The following WDPCP variants were observed in gnomAD, a reference collection of about 807,000 sequenced individuals.
WDPCP encodes the protein WD repeat-containing and planar cell polarity effector protein fritz homolog.
A neutral mutation model predicts 93.1 loss-of-function variants in WDPCP; 71 were observed. That is an observed-to-expected ratio of 0.76 (90% CI 0.63 to 0.93). WDPCP has a LOEUF of 0.93. Among genes scored for constraint, WDPCP ranks in the 40% least tolerant of loss-of-function variants. The probability of loss-of-function intolerance (pLI) is 0.00; values close to 1 mark genes in which losing one functional copy is unlikely to be tolerated. For synonymous variants in WDPCP, 315 were observed against 315.0 expected (o/e 1.00, Z 0.00); for missense variants, 844 against 887.4 (o/e 0.95, Z 0.62).
At chr2:63,821,213 G>C (rs540025321) in intron 1 of WDPCP, among the ~76,000 whole-genome samples, 1 of 152,228 alleles carries the variant, frequency 6.6e-6, no homozygotes, top group East Asian at 1.9e-4. Flanking sequence ...CTAGTCCCTA[G>C]AGGAGGAGGT....
At chr2:63,374,900 A>G (rs761513141) in intron 12 of WDPCP, among the ~76,000 whole-genome samples, 8 of 152,078 alleles carry the variant, frequency 5.3e-5, no homozygotes, top group Non-Finnish European at 1.2e-4. Context: ...GCAGACATCA[A>G]TACATTACCC....
At chr2:63,701,719 G>A (rs1269230677) in intron 2 of WDPCP, among the ~76,000 whole-genome samples, 3 of 152,250 alleles carry the variant, frequency 2.0e-5, no homozygotes, top group Non-Finnish European at 2.9e-5. Flanking sequence ...GGAACTGGAG[G>A]TCATTATATT....
chr2:63,582,412 G>A (rs1708553441), intron 1 of WDPCP, among the ~76,000 whole-genome samples: 1 of 152,138 alleles, frequency 6.6e-6, no homozygotes. Context: ...GCATCAATGA[G>A]CCATGAGACA....
chr2:63,595,620 A>T, intron 3 of WDPCP: 1 of 721,118 alleles, frequency 1.4e-6, no homozygotes, highest in South Asian at 1.7e-5. Context: ...ATTATTTCAT[A>T]AGAGGATTTT....
chr2:63,737,319 T>C (rs922874286), intron 2 of WDPCP, among the ~76,000 whole-genome samples: 1 of 152,182 alleles, frequency 6.6e-6, no homozygotes, highest in Non-Finnish European at 1.5e-5. Context: ...CCAATATTCA[T>C]GACACAAACA....
chr2:63,454,361 G>A (rs767394546), intron 6 of WDPCP, among the ~76,000 whole-genome samples: 1 of 151,696 alleles, frequency 6.6e-6, no homozygotes, highest in African/African-American at 2.4e-5. Context: ...TTGGGGGTGG[G>A]GGACTGAGGG....
chr2:63,836,538 GT>G, the WDPCP span, among the ~76,000 whole-genome samples: 1 of 152,098 alleles, frequency 6.6e-6, no homozygotes, highest in Non-Finnish European at 1.5e-5. Flanking sequence ...TTTCTTATTA[GT>G]TTTTTTATCT....
chr2:63,739,370 T>C (rs1001836831), intron 2 of WDPCP, among the ~76,000 whole-genome samples: 3 of 152,180 alleles, frequency 2.0e-5, no homozygotes, highest in African/African-American at 7.2e-5. Flanking sequence ...TCCTTTTTTA[T>C]GGCTGCATGG....
intron 2 of WDPCP, among the ~76,000 whole-genome samples, chr2:63,680,936 C>A (rs918346361): frequency 6.6e-6 from 1 of 152,102 alleles, no homozygotes; most frequent in African/African-American, 2.4e-5. Flanking sequence ...TAGACACACA[C>A]TGGGCCAGAA....
intron 1 of WDPCP, among the ~76,000 whole-genome samples, chr2:63,524,082 G>A (rs1217633400): frequency 1.3e-5 from 2 of 152,078 alleles, no homozygotes; most frequent in Non-Finnish European, 2.9e-5. Flanking sequence ...TCCACAATGA[G>A]AATTGCAAAA....
At chr2:63,137,062 G>C in intron 17 of WDPCP, among the ~76,000 whole-genome samples, 1 of 152,072 alleles carries the variant, frequency 6.6e-6, no homozygotes, top group Non-Finnish European at 1.5e-5. Flanking sequence ...ATATTTCTTT[G>C]AGTGTATACT....
chr2:63,200,612 A>G (rs1042581968), intron 14 of WDPCP, among the ~76,000 whole-genome samples: 1 of 152,210 alleles, frequency 6.6e-6, no homozygotes, highest in Non-Finnish European at 1.5e-5. Flanking sequence ...TATTTATGAG[A>G]GCTAAAAATT....
At chr2:63,358,956 G>T (rs758601193) in intron 12 of WDPCP, among the ~76,000 whole-genome samples, 4 of 152,106 alleles carry the variant, frequency 2.6e-5, no homozygotes, top group Non-Finnish European at 5.9e-5. Context: ...GTTATACTTA[G>T]ACTTGACATA....
At chr2:63,395,420 C>T (rs1216247379) in intron 10 of WDPCP, among the ~76,000 whole-genome samples, 2 of 152,100 alleles carry the variant, frequency 1.3e-5, no homozygotes, top group African/African-American at 2.4e-5. Context: ...GTGTCTATTA[C>T]GCCACTCTGT....
At chr2:63,578,294 C>T (rs183951311) in intron 1 of WDPCP, among the ~76,000 whole-genome samples, 1 of 152,186 alleles carries the variant, frequency 6.6e-6, no homozygotes, top group Non-Finnish European at 1.5e-5. Context: ...ATATTAGTAT[C>T]CCGAAAATAA....
chr2:63,826,112 A>G (rs1300912202), intron 1 of WDPCP, among the ~76,000 whole-genome samples: 1 of 152,178 alleles, frequency 6.6e-6, no homozygotes, highest in Non-Finnish European at 1.5e-5. Context: ...GTTCAGATGC[A>G]TCAGTTTGCC....
chr2:63,458,899 A>G (rs886615718), intron 6 of WDPCP, among the ~76,000 whole-genome samples: 1 of 152,226 alleles, frequency 6.6e-6, no homozygotes, highest in African/African-American at 2.4e-5. Flanking sequence ...TCAATGGAAC[A>G]GACTAGAGAC....
chr2:63,362,280 T>G (rs75969861), intron 12 of WDPCP, among the ~76,000 whole-genome samples: 115 of 43,870 alleles, frequency 2.6e-3, no homozygotes, highest in South Asian at 0.01. Flanking sequence ...TTTTTGGTTG[T>G]GTGTGTGTGT....
intron 6 of WDPCP, among the ~76,000 whole-genome samples, chr2:63,480,515 G>A (rs534392562): frequency 1.6e-4 from 25 of 152,040 alleles, no homozygotes; most frequent in African/African-American, 3.1e-4. Flanking sequence ...CCAAAACAGC[G>A]TAGTGCTGGT....
Sources: gnomAD v4.1 joint callset for allele counts (sites outside exome capture counted in the v4.1 genomes callset) on GRCh38, gnomAD v4.1.1 for gene constraint, MANE v1.5 for transcripts, NCBI Gene and HGNC (gene_info 2026-07-23, HGNC 2026-07-21) for gene names.